TTC6: variants seen among roughly 807,000 people sequenced by gnomAD.
TTC6 encodes tetratricopeptide repeat protein 6.
TTC6 carries 172 observed loss-of-function variants against 210.4 expected under a neutral mutation model. That is an observed-to-expected ratio of 0.82 (90% CI 0.72 to 0.93). The LOEUF (loss-of-function observed/expected upper bound fraction) is 0.93, where lower values mean the gene tolerates loss of function less well. Ranked by LOEUF, TTC6 falls within the 40% of genes least tolerant of loss-of-function variation. The pLI is 0.00. For missense variants in TTC6, 2,414 were observed against 2,318.1 expected, an observed-to-expected ratio of 1.04 and a Z score of -0.85; for synonymous variants, 804 against 819.6, an observed-to-expected ratio of 0.98 and a Z score of 0.32.
chr14:37,727,138 G>GA (rs1319404586), intron 7 of TTC6, among the ~76,000 whole-genome samples: 1 of 151,694 alleles, frequency 6.6e-6, no homozygotes, highest in African/African-American at 2.4e-5. Flanking sequence ...CAGTCAACCA[G>GA]AAAAACACAT....
intron 29 of TTC6, among the ~76,000 whole-genome samples, chr14:37,834,792 C>T (rs2096194014): frequency 6.6e-6 from 1 of 152,034 alleles, no homozygotes; most frequent in Admixed American, 6.6e-5. Flanking sequence ...CTGGTGTAAC[C>T]ATCACTTCTT....
intron 14 of TTC6, among the ~76,000 whole-genome samples, chr14:37,757,283 T>G (rs2095970986): frequency 6.6e-6 from 1 of 152,018 alleles, no homozygotes. Context: ...TTTCTTGAGA[T>G]GGAATCTTGC....
chr14:37,598,433 G>A lies in TTC6; in HGVS notation c.-235+2425G>A, dbSNP rs1350477213. On this transcript the variant is annotated intron_variant, in intron 1 of 2. Coordinates refer to the TTC6 transcript ENST00000556845. The surrounding 1 kb of genome is among the most constrained non-coding windows in gnomAD (Gnocchi z 4.9). ...CGGGTACTCCGGGTAGCCGCCAGCG[G>A]AGGAAGCGGCTCCGCCCTTCCCGGA... Among the ~76,000 whole-genome samples the A allele has an allele frequency of 6.6e-6, 1 of 152,214 alleles. No homozygotes were observed. The highest frequency in any genetic ancestry group is 2.1e-4 in the South Asian group (1 of 4,838).
chr14:37,806,425 G>C, exon 22 of TTC6: 1 of 1,535,622 alleles, frequency 6.5e-7, no homozygotes, highest in Non-Finnish European at 8.7e-7. Context: ...TTTTATCAGC[G>C]AGGGCTTTGT....
chr14:37,784,691 T>A (rs2096063557), intron 14 of TTC6, among the ~76,000 whole-genome samples: 1 of 152,234 alleles, frequency 6.6e-6, no homozygotes, highest in African/African-American at 2.4e-5. Context: ...TTTTGCTTGT[T>A]AGTTGATGCA....
intron 3 of TTC6, among the ~76,000 whole-genome samples, chr14:37,688,971 G>A (rs1192804781): frequency 1.3e-5 from 2 of 152,010 alleles, no homozygotes; most frequent in Non-Finnish European, 2.9e-5. Context: ...ACTAAATAAG[G>A]CACCAAGGGC....
chr14:37,607,943 C>T (rs1998359), intron 2 of TTC6, among the ~76,000 whole-genome samples: 4 of 152,092 alleles, frequency 2.6e-5, no homozygotes, highest in African/African-American at 4.8e-5. Context: ...CATGCACATA[C>T]TCTTACTAAC....
intron 26 of TTC6, among the ~76,000 whole-genome samples, chr14:37,820,882 C>CT (rs1436827512): frequency 1.4e-5 from 2 of 144,874 alleles, no homozygotes; most frequent in African/African-American, 2.5e-5. Flanking sequence ...CCTTCTCCTC[C>CT]TCCTTCTCCT....
chr14:37,623,055 C>A, intron 1 of TTC6, 52 bp downstream of exon 3: 3 of 1,296,246 alleles, frequency 2.3e-6, no homozygotes, highest in Non-Finnish European at 3.1e-6. Flanking sequence ...ATTTGGGTTA[C>A]ATTACATATG....
intron 2 of TTC6, among the ~76,000 whole-genome samples, chr14:37,616,589 C>T (rs1297382983): frequency 2.6e-5 from 4 of 152,068 alleles, no homozygotes; most frequent in Non-Finnish European, 4.4e-5. Flanking sequence ...CCCAGCTACT[C>T]AGGAGGCTGA....
chr14:37,756,775 C>T (rs189310204), intron 14 of TTC6, among the ~76,000 whole-genome samples: 18 of 152,176 alleles, frequency 1.2e-4, no homozygotes, highest in Admixed American at 9.8e-4. Context: ...ATTTTCACAT[C>T]GATGTTCATC....
Position 37,701,312 on chromosome 14 carries a change from C to CT in TTC6, c.1377-17dup. ...TCCACAAAATGATGAAAGGAGCTCA[C>CT]TTTCTTTTCTCTGTTGCAGAATTCC... On this transcript the variant is annotated intron_variant, in intron 4 of 30. Coordinates refer to ENST00000553443, the Ensembl canonical transcript of TTC6. 7.3e-7 allele frequency: 1 copy of CT among 1,364,958 alleles called. No homozygotes were observed. Among genetic ancestry groups the CT allele is most frequent in the South Asian group, 1.9e-5 (1 of 52,950 alleles). 84.6% of individuals were successfully genotyped at this position (1,364,958 alleles called of 1,614,324 possible).
chr14:37,787,314 A>G (rs575959695), intron 14 of TTC6, among the ~76,000 whole-genome samples, 154 bp from the exon 17 acceptor site: 2 of 152,330 alleles, frequency 1.3e-5, no homozygotes, highest in East Asian at 1.9e-4. Flanking sequence ...AGTTTGTATC[A>G]TTTTTGCTGT....
At position 37,811,003 on chromosome 14, in the gene TTC6, A is replaced by G. The variant is rs367934937; in HGVS notation, c.4570-1311A>G. Among the ~76,000 whole-genome samples, 5 of 152,218 alleles carry G rather than the reference A, an allele frequency of 3.3e-5. No homozygotes were observed. In the South Asian group the frequency reaches 6.2e-4, roughly 19 times the overall value. ...ATGAGGAAGCTAAGGCTTAGTGTTAAGTGATTTTCTCCAAATCAAGGGGCT... is the reference window on the plus strand; with the variant it reads ...ATGAGGAAGCTAAGGCTTAGTGTTAGGTGATTTTCTCCAAATCAAGGGGCT... On this transcript the variant is annotated intron_variant, in intron 24 of 30. Coordinates refer to ENST00000553443, the Ensembl canonical transcript of TTC6.
intron 14 of TTC6, among the ~76,000 whole-genome samples, chr14:37,780,175 A>T (rs981039560): frequency 6.6e-6 from 1 of 152,254 alleles, no homozygotes; most frequent in Non-Finnish European, 1.5e-5. Context: ...TTAGCAGTGA[A>T]TACTAATTAA....
intron 1 of TTC6, among the ~76,000 whole-genome samples, chr14:37,672,140 A>G (rs2138486200): frequency 6.6e-6 from 1 of 152,338 alleles, no homozygotes; most frequent in African/African-American, 2.4e-5. Flanking sequence ...ATTAACTTTC[A>G]AAATTCATTG....
intron 1 of TTC6, among the ~76,000 whole-genome samples, chr14:37,675,129 A>T (rs984935890): frequency 6.6e-6 from 1 of 152,088 alleles, no homozygotes; most frequent in Non-Finnish European, 1.5e-5. Context: ...CAGTGGCATC[A>T]ACATTTGCAA....
Position 37,636,449 on chromosome 14 carries a change from G to A in TTC6, c.939+13446G>A, listed in dbSNP as rs150712342. On this transcript the variant is annotated intron_variant, in intron 1 of 30. Coordinates refer to ENST00000553443, the Ensembl canonical transcript of TTC6. ...TCTCTGACCCTATGGAGTCAAACTA[G>A]AAATTGATAACAAAATGATGATAGG... is the stretch of plus-strand genomic sequence containing the variant. 3.1e-3 allele frequency among the ~76,000 whole-genome samples: 464 copies of A among 152,122 alleles called. 1 individual carries two copies. The highest frequency in any genetic ancestry group is 0.011 in the African/African-American group (448 of 41,516).
intron 10 of TTC6, among the ~76,000 whole-genome samples, chr14:37,747,629 G>T (rs922306547): frequency 3.3e-5 from 5 of 152,174 alleles, no homozygotes; most frequent in African/African-American, 1.2e-4. Context: ...CCTTCCCTCT[G>T]TTGGAGTTCC....
Sources: gnomAD v4.1 joint callset for allele counts (sites outside exome capture counted in the v4.1 genomes callset) on GRCh38, gnomAD v4.1.1 for gene constraint, Gnocchi (gnomAD v3.1) non-coding constraint, MANE v1.5 for transcripts, NCBI Gene and HGNC (gene_info 2026-07-23, HGNC 2026-07-21) for gene names.